CXCR6: variants seen among roughly 807,000 people sequenced by gnomAD.
CXCR6 encodes C-X-C motif chemokine receptor 6.
Under a neutral mutation model 1.6 loss-of-function variants are expected in CXCR6, and 3 were observed. That is an observed-to-expected ratio of 1.83 (90% CI 0.83 to 4.72). CXCR6 has a LOEUF of 4.72. Ranked by LOEUF, CXCR6 falls within the 30% of genes most tolerant of loss-of-function variation. The pLI is 0.02. For missense variants in CXCR6, 326 were observed against 414.8 expected (o/e 0.79, Z 1.86); for synonymous variants, 171 against 159.2 (o/e 1.07, Z -0.56).
At chr3:45,941,869 C>G (rs1238875415), upstream of CXCR6, among the ~76,000 whole-genome samples, 1 of 152,196 alleles carries the variant, frequency 6.6e-6, no homozygotes, top group Admixed American at 6.5e-5. Flanking sequence ...ACTCAGCTCT[C>G]AAAGCTTAAA....
chr3:45,946,762 A>T lies in CXCR6; in HGVS notation c.281A>T (p.Glu94Val). The change falls in exon 2 of 2, where the codon GAA (glutamate) becomes GTA (valine). Residue 94 changes from glutamate to valine, a missense_variant. Glu to Val is a moderately radical substitution (Grantham distance 121). Transcript: ENST00000304552. ...LPFWAYAGIHEWVFGQVMCKS... is the reference protein window; with the variant it reads ...LPFWAYAGIHVWVFGQVMCKS... ...TTCTGGGCCTATGCAGGCATCCATG[A>T]ATGGGTGTTTGGCCAGGTCATGTGC... is the stretch of plus-strand genomic sequence containing the variant. The T allele has an allele frequency of 6.2e-7, 1 of 1,614,192 alleles. No individual in the cohort carries two copies. The highest frequency in any genetic ancestry group is 1.3e-5 in the African/African-American group (1 of 75,046).
chr3:45,945,424 A>C (rs752537823), intron 1 of CXCR6: 3 of 152,280 alleles, frequency 2.0e-5, no homozygotes, highest in South Asian at 2.1e-4. Flanking sequence ...CACAGGTTAC[A>C]TGATCCCTTG....
chr3:45,947,195 T>G lies in CXCR6; in HGVS notation c.714T>G (p.Ala238=), dbSNP rs1346469478. 1.2e-6 allele frequency: 2 copies of G among 1,614,216 alleles called. No individual in the cohort carries two copies. The highest frequency in any genetic ancestry group is 1.7e-6 in the Non-Finnish European group (2 of 1,180,046). Residue 238 remains alanine (A), a synonymous_variant, in exon 2 of 2, where the codon GCT becomes GCG. Transcript: ENST00000304552. ...RSLKIIFLVM[A]VFLLTQMPFN... Reference sequence around the variant, plus strand: ...TAAAGATCATCTTCCTGGTGATGGCTGTGTTCCTGCTGACCCAGATGCCCT... The same window carrying G: ...TAAAGATCATCTTCCTGGTGATGGCGGTGTTCCTGCTGACCCAGATGCCCT...
intron 1 of CXCR6, among the ~76,000 whole-genome samples, chr3:45,944,324 C>T (rs1704444861): frequency 6.6e-6 from 1 of 152,104 alleles, no homozygotes; most frequent in African/African-American, 2.4e-5. Context: ...ATCCTTTTGA[C>T]ATCTATTTGT....
chr3:45,946,793 C>A lies in CXCR6; in HGVS notation c.312C>A (p.Ser104Arg). ...TGTTTGGCCAGGTCATGTGCAAGAG[C>A]CTACTGGGCATCTACACTATTAACT... is the stretch of plus-strand genomic sequence containing the variant. ...EWVFGQVMCK[S>R]LLGIYTINFY... Residue 104 changes from serine to arginine, a missense_variant, in exon 2 of 2, where the codon AGC becomes AGA. By Grantham distance (110) the Ser-to-Arg change is moderately radical. Coordinates refer to ENST00000304552, the MANE Select transcript of CXCR6 (RefSeq NM_006564.2). 1 of 1,613,896 alleles carries A rather than the reference C, an allele frequency of 6.2e-7. No individual in the cohort carries two copies. The highest frequency in any genetic ancestry group is 8.5e-7 in the Non-Finnish European group (1 of 1,179,946).
At position 45,947,271 on chromosome 3, in the gene CXCR6, A is replaced by G. The variant is rs769971965; in HGVS notation, c.790A>G (p.Thr264Ala). 6.2e-7 allele frequency: 1 copy of G among 1,614,154 alleles called. No individual in the cohort carries two copies. The highest frequency in any genetic ancestry group is 1.1e-5 in the South Asian group (1 of 91,078). ...RSTHWEYYAMTSFHYTIMVTE... is the reference protein window; with the variant it reads ...RSTHWEYYAMASFHYTIMVTE... ...CACACACTGGGAATACTATGCCATGACCAGCTTTCACTACACCATCATGGT... is the reference window on the plus strand; with the variant it reads ...CACACACTGGGAATACTATGCCATGGCCAGCTTTCACTACACCATCATGGT... The change falls in exon 2 of 2, where the codon ACC becomes GCC. Residue 264 changes from threonine (T) to alanine (A), a missense_variant. By Grantham distance (58) the Thr-to-Ala change is moderately conservative (BLOSUM62 0). Coordinates refer to ENST00000304552, the MANE Select transcript of CXCR6 (RefSeq NM_006564.2).
rs1223274051 is a variant in CXCR6 at position 45,947,322 on chromosome 3, G to A, written c.841G>A (p.Ala281Thr). Residue 281 changes from alanine to threonine, a missense_variant, in exon 2 of 2, where the codon GCC becomes ACC. Ala to Thr is a moderately conservative substitution (Grantham distance 58, BLOSUM62 0). Transcript: ENST00000304552. ...GACAGAGGCCATCGCATACCTGAGGGCCTGCCTTAACCCTGTGCTCTATGC... is the reference window on the plus strand; with the variant it reads ...GACAGAGGCCATCGCATACCTGAGGACCTGCCTTAACCCTGTGCTCTATGC... ...MVTEAIAYLR[A>T]CLNPVLYAFV... 1.9e-6 allele frequency: 3 copies of A among 1,614,202 alleles called. No individual in the cohort carries two copies. The highest frequency in any genetic ancestry group is 1.6e-4 in the Middle Eastern group (1 of 6,062).
At chr3:45,942,621 G>C (rs1471495924), upstream of CXCR6, among the ~76,000 whole-genome samples, 1 of 152,200 alleles carries the variant, frequency 6.6e-6, no homozygotes, top group Non-Finnish European at 1.5e-5. Context: ...CAAGGCACTG[G>C]GGCATGTGAC....
At position 45,946,566 on chromosome 3, in the gene CXCR6, T is replaced by A. The variant is rs763157855; in HGVS notation, c.85T>A (p.Phe29Ile). The stretch of plus-strand genomic sequence containing the variant: ...GGAGGAGCATCAAGACTTCCTGCAG[T>A]TCAGCAAGGTCTTTCTGCCCTGCAT... ...SQEEHQDFLQ[F>I]SKVFLPCMYL... Residue 29 changes from phenylalanine (F) to isoleucine (I), a missense_variant, in exon 2 of 2, where the codon TTC (phenylalanine) becomes ATC (isoleucine). Coordinates refer to ENST00000304552, the MANE Select transcript of CXCR6 (RefSeq NM_006564.2). 8 of 1,614,196 alleles carry A rather than the reference T, an allele frequency of 5.0e-6. No individual in the cohort carries two copies. Among genetic ancestry groups the A allele is most frequent in the Non-Finnish European group, 6.8e-6 (8 of 1,180,014 alleles).
intron 1 of CXCR6, 158 bp from the exon 2 acceptor site, chr3:45,946,303 G>T: frequency 1.7e-6 from 1 of 586,672 alleles, no homozygotes; most frequent in Non-Finnish European, 3.0e-6. Context: ...CCTCAGAATT[G>T]GTTATCTTCA....
At position 45,946,461 on chromosome 3, in the gene CXCR6, G is replaced by C; in HGVS notation, c.-21G>C. On this transcript the variant is annotated splice_region_variant and 5_prime_UTR_variant, in exon 2 of 2. Transcript: ENST00000304552. ...ATAATTCCTGGGTTCTGACTCACAG[G>C]TGTTCATCAGAACAGACACCATGGC... is the stretch of plus-strand genomic sequence containing the variant. 1 of 1,589,966 alleles carries C rather than the reference G, an allele frequency of 6.3e-7. No homozygotes were observed. Among genetic ancestry groups the C allele is most frequent in the East Asian group, 2.2e-5 (1 of 44,538 alleles).
At chr3:45,944,555 T>A (rs1018255890) in intron 1 of CXCR6, among the ~76,000 whole-genome samples, 19 of 152,078 alleles carry the variant, frequency 1.2e-4, no homozygotes, top group Non-Finnish European at 2.5e-4. Flanking sequence ...GAAAACAAAA[T>A]AGGATTTTAA....
chr3:45,947,789 C>T lies in CXCR6; in HGVS notation c.*279C>T, dbSNP rs1704730316. ...AACCAAGGGGGATGACATGTGACTC[C>T]TATGATCTCAGGTTCTCCTTGATTG... On this transcript the variant is annotated 3_prime_UTR_variant, in exon 2 of 2. Transcript: ENST00000304552. The T allele has an allele frequency of 4.7e-6, 2 of 427,922 alleles. No individual in the cohort carries two copies. Among genetic ancestry groups the T allele is most frequent in the Non-Finnish European group, 4.4e-6 (1 of 227,736 alleles). The allele number at this position is 427,922 out of a possible 1,614,324, so 26.5% of individuals were successfully genotyped here.
At chr3:45,943,873 T>G (rs1331409128) in intron 1 of CXCR6, among the ~76,000 whole-genome samples, 1 of 152,212 alleles carries the variant, frequency 6.6e-6, no homozygotes, top group Admixed American at 6.5e-5. Flanking sequence ...AATCTCTGTT[T>G]TCATTTCTTT....
At chr3:45,942,356 G>A (rs1255772668), upstream of CXCR6, among the ~76,000 whole-genome samples, 2 of 152,224 alleles carry the variant, frequency 1.3e-5, no homozygotes, top group Non-Finnish European at 2.9e-5. Flanking sequence ...CCAGGCTTGC[G>A]GTAGAAATGA....
chr3:45,946,619 G>T lies in CXCR6; in HGVS notation c.138G>T (p.Leu46=). 1 of 1,614,202 alleles carries T rather than the reference G, an allele frequency of 6.2e-7. No individual in the cohort carries two copies. The highest frequency in any genetic ancestry group is 8.5e-7 in the Non-Finnish European group (1 of 1,180,028). The change falls in exon 2 of 2, where the codon CTG becomes CTT. Residue 46 remains leucine (L), a synonymous_variant. Transcript: ENST00000304552. The stretch of plus-strand genomic sequence containing the variant: ...ACCTGGTGGTGTTTGTCTGTGGTCT[G>T]GTGGGGAACTCTCTGGTGCTGGTCA... The part of the protein sequence containing the change: ...CMYLVVFVCG[L]VGNSLVLVIS...
In CXCR6 at chr3:45,947,146, G is replaced by A; in HGVS notation, c.665G>A (p.Gly222Glu). Reference sequence around the variant, plus strand: ...ATAATCAAAACACTGCTTCATGCTGGAGGCTTCCAGAAGCACAGATCTCTA... The same window carrying A: ...ATAATCAAAACACTGCTTCATGCTGAAGGCTTCCAGAAGCACAGATCTCTA... ...SVIIKTLLHA[G>E]GFQKHRSLKI... Residue 222 changes from glycine to glutamate, a missense_variant, in exon 2 of 2, where the codon GGA becomes GAA. Coordinates refer to ENST00000304552, the MANE Select transcript of CXCR6 (RefSeq NM_006564.2). 1 of 1,614,096 alleles carries A rather than the reference G, an allele frequency of 6.2e-7. No individual in the cohort carries two copies. Among genetic ancestry groups the A allele is most frequent in the Non-Finnish European group, 8.5e-7 (1 of 1,180,026 alleles).
upstream of CXCR6, among the ~76,000 whole-genome samples, chr3:45,941,559 A>G (rs1704226502): frequency 6.6e-6 from 1 of 152,280 alleles, no homozygotes; most frequent in Non-Finnish European, 1.5e-5. Flanking sequence ...ATAAAATTTT[A>G]GCCCCAAACC....
In CXCR6 at chr3:45,946,392, A is replaced by G. The variant is rs1167729483; in HGVS notation, c.-21-69A>G. 2.5e-6 allele frequency: 3 copies of G among 1,189,066 alleles called. No individual in the cohort carries two copies. In the African/African-American group the frequency reaches 4.6e-5, roughly 18 times the overall value. The allele number at this position is 1,189,066 out of a possible 1,614,324, so 73.7% of individuals were successfully genotyped here. ...ACTATTTGCCCCCTAAATGTGGTCA[A>G]TGGGATAGCAGGAAGACAAAGAATG... On this transcript the variant is annotated intron_variant, in intron 1 of 1. Coordinates refer to ENST00000304552, the MANE Select transcript of CXCR6 (RefSeq NM_006564.2).
Sources: allele counts gnomAD v4.1 joint callset (sites outside exome capture counted in the v4.1 genomes callset), GRCh38; gene constraint gnomAD v4.1.1; transcripts MANE v1.5; gene names NCBI Gene and HGNC (gene_info 2026-07-23, HGNC 2026-07-21).